ZPLD1: variants seen among roughly 807,000 people sequenced by gnomAD.
ZPLD1 encodes zona pellucida like domain containing 1.
In ZPLD1, 34 loss-of-function variants were observed where a neutral mutation model predicts 47.2. The ratio of observed to expected loss-of-function variants is 0.72; its 90% confidence interval spans 0.55 to 0.96. The LOEUF (loss-of-function observed/expected upper bound fraction) is 0.96. Among genes scored for constraint, ZPLD1 ranks in the 40% least tolerant of loss-of-function variants. The pLI is 0.00. For synonymous variants in ZPLD1, 176 were observed against 186.2 expected (o/e 0.95, Z 0.45); for missense variants, 512 against 505.8 (o/e 1.01, Z -0.12).
chr3:102,439,795 G>A (rs1052991156), intron 3 of ZPLD1, among the ~76,000 whole-genome samples: 40 of 152,028 alleles, frequency 2.6e-4, no homozygotes, highest in African/African-American at 8.7e-4. Flanking sequence ...TATCCTTTAC[G>A]TATACGTCTA....
intron 6 of ZPLD1, among the ~76,000 whole-genome samples, chr3:102,460,602 T>C (rs1313245845): frequency 2.0e-5 from 3 of 151,984 alleles, no homozygotes; most frequent in Non-Finnish European, 4.4e-5. Flanking sequence ...ATTATAATTA[T>C]GAACATTTTT....
chr3:102,476,263 A>G (rs1707756895), intron 10 of ZPLD1, among the ~76,000 whole-genome samples: 1 of 152,162 alleles, frequency 6.6e-6, no homozygotes, highest in Non-Finnish European at 1.5e-5. Context: ...CAAATATGAA[A>G]TTACTCTTAT....
At chr3:102,466,733 G>T (rs944433362) in intron 8 of ZPLD1, among the ~76,000 whole-genome samples, 27 of 151,640 alleles carry the variant, frequency 1.8e-4, no homozygotes, top group African/African-American at 6.5e-4. Context: ...AACAGTGTGG[G>T]ACATGAAAGA....
At chr3:102,424,813 A>G (rs1706922539) in intron 8 of ZPLD1, among the ~76,000 whole-genome samples, 1 of 152,164 alleles carries the variant, frequency 6.6e-6, no homozygotes, top group Non-Finnish European at 1.5e-5. Context: ...TTGCTCCTAT[A>G]CTATGCAATC....
chr3:102,405,795 GATT>G (rs1403617635), intron 7 of ZPLD1, among the ~76,000 whole-genome samples: 9 of 151,894 alleles, frequency 5.9e-5, no homozygotes. Flanking sequence ...AAGAGGCCTG[GATT>G]GGGGGTGAGA....
At chr3:102,437,666 C>T (rs1707110884) in intron 2 of ZPLD1, among the ~76,000 whole-genome samples, 1 of 152,112 alleles carries the variant, frequency 6.6e-6, no homozygotes, top group African/African-American at 2.4e-5. Context: ...AATGGGCATC[C>T]AGGAAAAAGA....
chr3:102,430,989 T>G (rs370004155), upstream of ZPLD1, among the ~76,000 whole-genome samples: 40 of 152,336 alleles, frequency 2.6e-4, no homozygotes, highest in East Asian at 1.5e-3. Flanking sequence ...GAATAAAATG[T>G]GCAAATATCT....
At chr3:102,477,297 A>G in intron 11 of ZPLD1, 146 bp from the exon 12 acceptor site, 2 of 1,007,728 alleles carry the variant, frequency 2.0e-6, no homozygotes, top group Non-Finnish European at 2.9e-6. Flanking sequence ...GGGTTGAATT[A>G]CAGTCAAATA....
chr3:102,447,178 G>T (rs1707269710), intron 3 of ZPLD1, among the ~76,000 whole-genome samples: 2 of 152,078 alleles, frequency 1.3e-5, no homozygotes, highest in Admixed American at 6.6e-5. Context: ...CCATTCTTGT[G>T]CCTCAGCCTC....
chr3:102,404,557 C>T (rs1053979396), intron 7 of ZPLD1, among the ~76,000 whole-genome samples: 23 of 151,930 alleles, frequency 1.5e-4, no homozygotes, highest in Admixed American at 1.5e-3. Flanking sequence ...TAGCAAATCT[C>T]CTTTTGCTTT....
chr3:102,457,717 C>A, intron 5 of ZPLD1, 64 bp from the exon 6 acceptor site: 1 of 1,441,758 alleles, frequency 6.9e-7, no homozygotes, highest in Non-Finnish European at 9.7e-7. Context: ...TTAAGTCTAA[C>A]ATCTAGGTAT....
intron 8 of ZPLD1, among the ~76,000 whole-genome samples, chr3:102,465,221 A>G (rs1272453933): frequency 6.6e-6 from 1 of 152,222 alleles, no homozygotes; most frequent in Non-Finnish European, 1.5e-5. Flanking sequence ...AGTGATATTT[A>G]AAATAGTAAA....
In ZPLD1 at chr3:102,479,232, CTG is replaced by C. The variant is rs1482090682; in HGVS notation, c.*1618_*1619del. 1 of 152,130 alleles carries C rather than the reference CTG, an allele frequency of 6.6e-6. No individual in the cohort carries two copies. The highest frequency in any genetic ancestry group is 1.5e-5 in the Non-Finnish European group (1 of 68,004). The allele number at this position is 152,130 out of a possible 1,614,324, so 9.4% of individuals were successfully genotyped here. A position where few individuals can be genotyped will look rare whatever the true frequency, so the allele number is the denominator to read the frequency against. On this transcript the variant is annotated 3_prime_UTR_variant, in exon 12 of 12. Coordinates refer to ENST00000466937, the MANE Select transcript of ZPLD1 (RefSeq NM_001329788.2). ...ACATAAAAAGCCAATCTACTCTTCCCTGTGTTACTTTAAAATAACTTTGAAGT... is the reference window on the plus strand; with the variant it reads ...ACATAAAAAGCCAATCTACTCTTCCCTGTTACTTTAAAATAACTTTGAAGT...
chr3:102,466,574 G>A (rs1338504079), intron 8 of ZPLD1, among the ~76,000 whole-genome samples: 1 of 152,044 alleles, frequency 6.6e-6, no homozygotes, highest in African/African-American at 2.4e-5. Flanking sequence ...GAGAACTTAG[G>A]TAAGTAAGGA....
intron 3 of ZPLD1, among the ~76,000 whole-genome samples, chr3:102,451,505 G>T (rs1187181580): frequency 2.0e-5 from 3 of 152,172 alleles, no homozygotes; most frequent in African/African-American, 7.2e-5. Flanking sequence ...AAATGGTAAA[G>T]TCACTCTCTT....
intron 6 of ZPLD1, among the ~76,000 whole-genome samples, chr3:102,458,085 T>C (rs928416848): frequency 5.3e-5 from 8 of 152,218 alleles, no homozygotes; most frequent in African/African-American, 2.4e-5. Context: ...ATCGTAAGTG[T>C]GATTTTAAAT....
At chr3:102,430,017 C>G (rs771534418), upstream of ZPLD1, among the ~76,000 whole-genome samples, 1 of 152,090 alleles carries the variant, frequency 6.6e-6, no homozygotes, top group South Asian at 2.1e-4. Context: ...CTTTAATGCA[C>G]CCCTAGTATT....
At chr3:102,438,396 G>A (rs749341156) in intron 2 of ZPLD1, 84 bp from the exon 3 acceptor site, 1 of 916,110 alleles carries the variant, frequency 1.1e-6, no homozygotes, top group Non-Finnish European at 1.8e-6. Flanking sequence ...CCAACAGTGA[G>A]CTGAGATCAG....
chr3:102,469,445 G>C (rs1707648771), intron 9 of ZPLD1, among the ~76,000 whole-genome samples: 1 of 152,188 alleles, frequency 6.6e-6, no homozygotes. Context: ...AAATATATGG[G>C]TTGTAGTAAC....
Sources: gnomAD v4.1 joint callset for allele counts (sites outside exome capture counted in the v4.1 genomes callset) on GRCh38, gnomAD v4.1.1 for gene constraint, MANE v1.5 for transcripts, NCBI Gene and HGNC (gene_info 2026-07-23, HGNC 2026-07-21) for gene names.